The following C11orf68 variants were observed in gnomAD, a reference collection of about 807,000 sequenced individuals.
The protein encoded by C11orf68 is chromosome 11 open reading frame 68, also known as UPF0696 protein C11orf68.
Under a neutral mutation model 4.7 loss-of-function variants are expected in C11orf68, and 3 were observed. That is an observed-to-expected ratio of 0.64 (90% CI 0.29 to 1.66). C11orf68 has a LOEUF of 1.66. C11orf68 is among the 40% of genes most tolerant of loss of function. The pLI, the probability that C11orf68 is intolerant of heterozygous loss-of-function variation, is 0.10. For missense variants in C11orf68, 422 were observed against 408.0 expected (o/e 1.03, Z -0.30); for synonymous variants, 186 against 167.8 (o/e 1.11, Z -0.84).
Position 65,917,220 on chromosome 11 carries a change from A to C in C11orf68, c.*239T>G. 1 of 551,502 alleles carries C rather than the reference A, an allele frequency of 1.8e-6. No individual in the cohort carries two copies. The highest frequency in any genetic ancestry group is 3.2e-6 in the Non-Finnish European group (1 of 311,072). The allele number at this position is 551,502 out of a possible 1,614,324, so 34.2% of individuals were successfully genotyped here. A position where few individuals can be genotyped will look rare whatever the true frequency, so the allele number is the denominator to read the frequency against. ...GTGCTGGGCAGTGGAGAGGAGCAGC[A>C]TTACAAAGGGAGGCTGAAGGCTCAT... On this transcript the variant is annotated 3_prime_UTR_variant, in exon 2 of 2. Transcript: ENST00000438576.
intron 1 of C11orf68, among the ~76,000 whole-genome samples, chr11:65,918,682 C>G (rs1251278000): frequency 1.3e-5 from 2 of 152,206 alleles, no homozygotes; most frequent in Non-Finnish European, 2.9e-5. Flanking sequence ...GCCAGGCCTC[C>G]CAGGCAGGCG....
chr11:65,917,562 C>A lies in C11orf68; in HGVS notation c.779G>T (p.Arg260Leu). 1 of 1,614,064 alleles carries A rather than the reference C, an allele frequency of 6.2e-7. No individual in the cohort carries two copies. The highest frequency in any genetic ancestry group is 8.5e-7 in the Non-Finnish European group (1 of 1,180,024). ...ATAGAGAGTGGGGCAGAGGTGCCAG[C>A]GATTGGCCCGGTAGATGCCCAGGTA... is the stretch of plus-strand genomic sequence containing the variant. ...YTYLGIYRAN[R>L]WHLCPTLYES... The change falls in exon 2 of 2, where the codon CGC becomes CTC. Residue 260 changes from arginine to leucine, a missense_variant. Arg to Leu is a moderately radical substitution (Grantham distance 102). Coordinates refer to ENST00000438576, the MANE Select transcript of C11orf68 (RefSeq NM_001135635.2).
chr11:65,918,808 G>T, intron 1 of C11orf68, 102 bp downstream of exon 1: 1 of 1,023,914 alleles, frequency 9.8e-7, no homozygotes, highest in Non-Finnish European at 1.2e-6. Context: ...CTGCAGGAGA[G>T]CCAGGCTCCG....
chr11:65,916,810 T>G lies in C11orf68; in HGVS notation c.*649A>C, dbSNP rs1854462108. 1 of 152,634 alleles carries G rather than the reference T, an allele frequency of 6.6e-6. No homozygotes were observed. Among genetic ancestry groups the G allele is most frequent in the Non-Finnish European group, 1.5e-5 (1 of 68,228 alleles). 9.5% of individuals were successfully genotyped at this position (152,634 alleles called of 1,614,324 possible). ...AAAGCAGGTAACCACCAAGACAGTATTTTAAAAAACACTCAAGACACAGAC... is the reference window on the plus strand; with the variant it reads ...AAAGCAGGTAACCACCAAGACAGTAGTTTAAAAAACACTCAAGACACAGAC... On this transcript the variant is annotated 3_prime_UTR_variant, in exon 2 of 2. Transcript: ENST00000438576.
Position 65,918,010 on chromosome 11 carries a change from C to T in C11orf68, c.331G>A (p.Gly111Ser), listed in dbSNP as rs1447289888. ...CCCACAGGCTCTGAGTTGGGTGAAC[C>T]GGGGTCCCCATAGCGGGTAACTTGG... Reference protein sequence around the residue: ...PSQVTRYGDPGSPNSEPVGWI... With the variant: ...PSQVTRYGDPSSPNSEPVGWI... The change falls in exon 2 of 2, where the codon GGT becomes AGT. Residue 111 changes from glycine (G) to serine (S), a missense_variant. Gly to Ser is a moderately conservative substitution (Grantham distance 56). Transcript: ENST00000438576. 1.2e-6 allele frequency: 2 copies of T among 1,606,198 alleles called. No individual in the cohort carries two copies. The highest frequency in any genetic ancestry group is 1.7e-4 in the Middle Eastern group (1 of 6,024).
rs139058880 is a variant in C11orf68, at chr11:65,918,024, C to A, written c.317G>T (p.Arg106Leu). Residue 106 changes from arginine to leucine, a missense_variant, in exon 2 of 2, where the codon CGC (arginine) becomes CTC (leucine). Coordinates refer to ENST00000438576, the MANE Select transcript of C11orf68 (RefSeq NM_001135635.2). ...GTTGGGTGAACCGGGGTCCCCATAG[C>A]GGGTAACTTGGGATGGTGGGTACTT... The part of the protein sequence containing the change: ...LAKYPPSQVT[R>L]YGDPGSPNSE... 1.2e-6 allele frequency: 2 copies of A among 1,606,682 alleles called. No homozygotes were observed. Among genetic ancestry groups the A allele is most frequent in the Non-Finnish European group, 1.7e-6 (2 of 1,176,788 alleles).
intron 1 of C11orf68, 113 bp from the exon 2 acceptor site, chr11:65,918,331 A>C (rs1854489986): frequency 4.0e-6 from 5 of 1,235,590 alleles, no homozygotes; most frequent in South Asian, 3.6e-5. Flanking sequence ...CAGTTGCCTC[A>C]TCTTTACAAT....
In C11orf68 at chr11:65,917,711, C is replaced by A; in HGVS notation, c.630G>T (p.Gly210=). The A allele has an allele frequency of 6.2e-7, 1 of 1,613,868 alleles. No homozygotes were observed. The highest frequency in any genetic ancestry group is 1.1e-5 in the South Asian group (1 of 91,088). ...CCGTGTAAACACAGATGACCTGGCG[C>A]CCACCCTCCTTGGCACGTGGGCTCA... ...AKVSPRAKEG[G]RQVICVYTDD... Residue 210 remains glycine (G), a synonymous_variant, in exon 2 of 2, where the codon GGG becomes GGT. Transcript: ENST00000438576.
At position 65,917,365 on chromosome 11, in the gene C11orf68, T is replaced by G; in HGVS notation, c.*94A>C. The G allele has an allele frequency of 6.8e-7, 1 of 1,463,262 alleles. No homozygotes were observed. The highest frequency in any genetic ancestry group is 2.1e-5 in the Admixed American group (1 of 46,950). The allele number at this position is 1,463,262 out of a possible 1,614,324, so 90.6% of individuals were successfully genotyped here. Reference sequence around the variant, plus strand: ...CAAGTGACCTAGGAGTCCCCAGAGCTGGGGGGTGTGGCCTTCATAGGACAA... The same window carrying G: ...CAAGTGACCTAGGAGTCCCCAGAGCGGGGGGGTGTGGCCTTCATAGGACAA... On this transcript the variant is annotated 3_prime_UTR_variant, in exon 2 of 2. Coordinates refer to ENST00000438576, the MANE Select transcript of C11orf68 (RefSeq NM_001135635.2).
Position 65,917,250 on chromosome 11 carries a change from C to T in C11orf68, c.*209G>A, listed in dbSNP as rs1336082525. 1.8e-5 allele frequency: 11 copies of T among 615,780 alleles called. No individual in the cohort carries two copies. The highest frequency in any genetic ancestry group is 2.8e-5 in the Non-Finnish European group (10 of 355,354). The allele number at this position is 615,780 out of a possible 1,614,324, so 38.1% of individuals were successfully genotyped here. On this transcript the variant is annotated 3_prime_UTR_variant, in exon 2 of 2. Transcript: ENST00000438576. ...AAAGGGAGGCTGAAGGCTCATCCCT[C>T]AGGGAACCGGAGCCCCCCAGCCTGT...
rs1482310444 is a variant in C11orf68 at position 65,918,989 on chromosome 11, C to T, written c.43G>A (p.Gly15Ser). The T allele has an allele frequency of 1.1e-5, 13 of 1,171,892 alleles. No homozygotes were observed. The highest frequency in any genetic ancestry group is 3.1e-6 in the Non-Finnish European group (3 of 953,792). The allele number at this position is 1,171,892 out of a possible 1,614,324, so 72.6% of individuals were successfully genotyped here. Reference protein sequence around the residue: ...AAAAVAGVGRGGGGAEPRQER... With the variant: ...AAAAVAGVGRSGGGAEPRQER... The stretch of plus-strand genomic sequence containing the variant: ...TGCCGTGGCTCCGCGCCACCGCCAC[C>T]GCGCCCCACCCCCGCCACGGCCGCC... Residue 15 changes from glycine (G) to serine (S), a missense_variant, in exon 1 of 2, where the codon GGT (glycine) becomes AGT (serine). By Grantham distance (56) the Gly-to-Ser change is moderately conservative (BLOSUM62 0). Transcript: ENST00000438576.
rs1220469853 is a variant in C11orf68 at position 65,917,892 on chromosome 11, C to T, written c.449G>A (p.Arg150Gln). 2 of 1,609,812 alleles carry T rather than the reference C, an allele frequency of 1.2e-6. No homozygotes were observed. The highest frequency in any genetic ancestry group is 2.2e-5 in the East Asian group (1 of 44,892). ...GCGCAGGGTACCCGGTGTGATGGGCCGCCCACTGGTCTGCAGAGCTTCCCA... is the reference window on the plus strand; with the variant it reads ...GCGCAGGGTACCCGGTGTGATGGGCTGCCCACTGGTCTGCAGAGCTTCCCA... Reference protein sequence around the residue: ...AAWEALQTSGRPITPGTLRQL... With the variant: ...AAWEALQTSGQPITPGTLRQL... Residue 150 changes from arginine (R) to glutamine (Q), a missense_variant, in exon 2 of 2, where the codon CGG becomes CAG. Transcript: ENST00000438576.
In C11orf68 at chr11:65,917,668, A is replaced by C; in HGVS notation, c.673T>G (p.Leu225Val). ...CVYTDDFTDR[L>V]GVLEADSAIR... Reference sequence around the variant, plus strand: ...GCTGAATCCGCCTCCAGTACACCCAAGCGGTCCGTGAAGTCGTCCGTGTAA... The same window carrying C: ...GCTGAATCCGCCTCCAGTACACCCACGCGGTCCGTGAAGTCGTCCGTGTAA... Residue 225 changes from leucine to valine, a missense_variant, in exon 2 of 2, where the codon TTG becomes GTG. By Grantham distance (32) the Leu-to-Val change is conservative. Coordinates refer to ENST00000438576, the MANE Select transcript of C11orf68 (RefSeq NM_001135635.2). 3 of 1,614,002 alleles carry C rather than the reference A, an allele frequency of 1.9e-6. No individual in the cohort carries two copies. The South Asian group carries it at 3.3e-5, about 18-fold the overall frequency.
In C11orf68 at chr11:65,918,925, C is replaced by T; in HGVS notation, c.107G>A (p.Arg36His). Residue 36 changes from arginine to histidine, a missense_variant, in exon 1 of 2, where the codon CGC (arginine) becomes CAC (histidine). By Grantham distance (29) the Arg-to-His change is conservative. Transcript: ENST00000438576. The stretch of plus-strand genomic sequence containing the variant: ...CCGCAGTCACCTCCGGCCTTCGCTG[C>T]GTTCGACGCCGGCCCAGCCCCGGGC... ...SRARGWAGVE[R>H]SEGRSRMEPG... 7.9e-7 allele frequency: 1 copy of T among 1,265,404 alleles called. No individual in the cohort carries two copies. The highest frequency in any genetic ancestry group is 1.8e-5 in the South Asian group (1 of 56,894). The allele number at this position is 1,265,404 out of a possible 1,614,324, so 78.4% of individuals were successfully genotyped here. A position where few individuals can be genotyped will look rare whatever the true frequency, so the allele number is the denominator to read the frequency against.
In C11orf68 at chr11:65,917,689, T is replaced by C. The variant is rs1245184134; in HGVS notation, c.652A>G (p.Thr218Ala). The change falls in exon 2 of 2, where the codon ACG (threonine) becomes GCG (alanine). Residue 218 changes from threonine to alanine, a missense_variant. Coordinates refer to ENST00000438576, the MANE Select transcript of C11orf68 (RefSeq NM_001135635.2). ...CCCAAGCGGTCCGTGAAGTCGTCCGTGTAAACACAGATGACCTGGCGCCCA... is the reference window on the plus strand; with the variant it reads ...CCCAAGCGGTCCGTGAAGTCGTCCGCGTAAACACAGATGACCTGGCGCCCA... Reference protein sequence around the residue: ...EGGRQVICVYTDDFTDRLGVL... With the variant: ...EGGRQVICVYADDFTDRLGVL... The C allele has an allele frequency of 6.2e-7, 1 of 1,613,984 alleles. No individual in the cohort carries two copies. Among genetic ancestry groups the C allele is most frequent in the Non-Finnish European group, 8.5e-7 (1 of 1,180,026 alleles).
In C11orf68 at chr11:65,919,004, C is replaced by A. The variant is rs1472085561; in HGVS notation, c.28G>T (p.Ala10Ser). The change falls in exon 1 of 2, where the codon GCG (alanine) becomes TCG (serine). Residue 10 changes from alanine (A) to serine (S), a missense_variant. Physicochemically the swap from Ala to Ser is moderately conservative, Grantham distance 99 (BLOSUM62 1). Transcript: ENST00000438576. MAAAAAAAV[A>S]GVGRGGGGAE... ...CCACCGCCACCGCGCCCCACCCCCG[C>A]CACGGCCGCCGCCGCCGCCGCCGCC... The A allele has an allele frequency of 5.2e-6, 6 of 1,155,360 alleles. No individual in the cohort carries two copies. The highest frequency in any genetic ancestry group is 1.6e-5 in the African/African-American group (1 of 61,000). The allele number at this position is 1,155,360 out of a possible 1,614,324, so 71.6% of individuals were successfully genotyped here. A position where few individuals can be genotyped will look rare whatever the true frequency, so the allele number is the denominator to read the frequency against.
chr11:65,918,880 T>TGCCCTGCCCCTCCCGCC, intron 1 of C11orf68, 30 bp downstream of exon 1: 1 of 1,205,826 alleles, frequency 8.3e-7, no homozygotes, highest in South Asian at 2.0e-5. Context: ...GCCCCGGCCC[T>TGCCCTGCCCCTCCCGCC]GCCCTGCCCC....
In C11orf68 at chr11:65,918,168, C is replaced by G. The variant is rs1271478277; in HGVS notation, c.173G>C (p.Arg58Pro). ...ELEEEGSPGG[R>P]EDGFTAEHLA... ...GTGCTCGGCGGTGAAGCCATCCTCA[C>G]GGCCACCTGGAGAGCCCTCCTCTTC... Residue 58 changes from arginine to proline, a missense_variant, in exon 2 of 2, where the codon CGT becomes CCT. By Grantham distance (103) the Arg-to-Pro change is moderately radical. Coordinates refer to ENST00000438576, the MANE Select transcript of C11orf68 (RefSeq NM_001135635.2). 1 of 1,556,656 alleles carries G rather than the reference C, an allele frequency of 6.4e-7. No homozygotes were observed. The highest frequency in any genetic ancestry group is 1.4e-5 in the African/African-American group (1 of 73,176).
At chr11:65,918,787 C>G in intron 1 of C11orf68, 123 bp downstream of exon 1, 1 of 963,088 alleles carries the variant, frequency 1.0e-6, no homozygotes, top group Non-Finnish European at 1.3e-6. Flanking sequence ...CGAACCAGGG[C>G]TTGTTAGAGC....
Sources: gnomAD v4.1 joint callset for allele counts (sites outside exome capture counted in the v4.1 genomes callset) on GRCh38, gnomAD v4.1.1 for gene constraint, MANE v1.5 for transcripts, NCBI Gene and HGNC (gene_info 2026-07-23, HGNC 2026-07-21) for gene names.